The following MRTFB variants were observed in gnomAD, a reference collection of about 807,000 sequenced individuals.
MRTFB encodes myocardin related transcription factor B.
In MRTFB, 29 loss-of-function variants were observed where a neutral mutation model predicts 104.2. The observed-to-expected ratio is 0.28, with a 90% CI of 0.21 to 0.38. The LOEUF (loss-of-function observed/expected upper bound fraction) is 0.38, where lower values mean the gene tolerates loss of function less well. Ranked by LOEUF, MRTFB falls within the 10% of genes least tolerant of loss-of-function variation. The pLI is 1.00. For missense variants in MRTFB, 1,270 were observed against 1,341.6 expected, an observed-to-expected ratio of 0.95 and a Z score of 0.83; for synonymous variants, 535 against 519.5, an observed-to-expected ratio of 1.03 and a Z score of -0.41.
chr16:14,087,258 G>A (rs1377112908), intron 2 of MRTFB, among the ~76,000 whole-genome samples: 1 of 152,124 alleles, frequency 6.6e-6, no homozygotes, highest in Non-Finnish European at 1.5e-5. Context: ...GTAGCTTTGG[G>A]CCATAAGTTC....
At chr16:14,004,861 C>T in the MRTFB span, among the ~76,000 whole-genome samples, 1 of 152,274 alleles carries the variant, frequency 6.6e-6, no homozygotes, top group Non-Finnish European at 1.5e-5. Context: ...GCATTTCCAT[C>T]TACCCTGGTC....
chr16:14,134,980 T>G (rs1324778247), intron 2 of MRTFB, among the ~76,000 whole-genome samples: 2 of 152,244 alleles, frequency 1.3e-5, no homozygotes, highest in South Asian at 2.1e-4. Context: ...GAGTAAATAT[T>G]CTTCCCATCT....
At chr16:14,256,396 C>A (rs1222079969) in intron 15 of MRTFB, among the ~76,000 whole-genome samples, 1 of 152,176 alleles carries the variant, frequency 6.6e-6, no homozygotes, top group Non-Finnish European at 1.5e-5. Context: ...CTTTGACATT[C>A]CTCTCTGGGT....
chr16:14,081,478 A>G (rs1355386695), intron 2 of MRTFB, among the ~76,000 whole-genome samples: 3 of 152,020 alleles, frequency 2.0e-5, no homozygotes, highest in Non-Finnish European at 4.4e-5. Context: ...TTTTTAGTAG[A>G]GACGGGGTTT....
At chr16:14,038,193 C>T in the MRTFB span, among the ~76,000 whole-genome samples, 1 of 152,144 alleles carries the variant, frequency 6.6e-6, no homozygotes. Flanking sequence ...TGTGTCCTCA[C>T]ATGGTCTTCC....
intron 3 of MRTFB, among the ~76,000 whole-genome samples, chr16:14,175,998 A>T (rs1228699693): frequency 6.6e-6 from 1 of 152,250 alleles, no homozygotes; most frequent in Non-Finnish European, 1.5e-5. Context: ...TGATGAAATT[A>T]TCCTATATCT....
intron 2 of MRTFB, among the ~76,000 whole-genome samples, chr16:14,099,365 G>A (rs918085581): frequency 4.1e-5 from 6 of 146,906 alleles, no homozygotes; most frequent in Non-Finnish European, 5.9e-5. Flanking sequence ...ATAAAATTAC[G>A]TGGGTTTTTT....
intron 15 of MRTFB, among the ~76,000 whole-genome samples, chr16:14,254,571 C>G: frequency 6.6e-6 from 1 of 152,204 alleles, no homozygotes. Flanking sequence ...CTGGCTGACC[C>G]CTAAGCCATA....
At chr16:14,018,882 C>G in the MRTFB span, 1 of 152,118 alleles carries the variant, frequency 6.6e-6, no homozygotes. Context: ...ATTGCAAATG[C>G]CTTCATTTAC....
intron 7 of MRTFB, among the ~76,000 whole-genome samples, chr16:14,218,213 C>T (rs755911533): frequency 6.6e-6 from 1 of 152,134 alleles, no homozygotes; most frequent in African/African-American, 2.4e-5. Context: ...GCACCCGCCA[C>T]ATGCCCGGCT....
At chr16:14,109,040 A>G (rs1453140079) in intron 2 of MRTFB, among the ~76,000 whole-genome samples, 3 of 152,176 alleles carry the variant, frequency 2.0e-5, no homozygotes, top group African/African-American at 7.2e-5. Flanking sequence ...TTTAAGTAGC[A>G]AAATTATTAG....
chr16:14,044,474 G>A, the MRTFB span, among the ~76,000 whole-genome samples: 1 of 152,208 alleles, frequency 6.6e-6, no homozygotes, highest in African/African-American at 2.4e-5. Context: ...AGGAAATTGA[G>A]GCTCAGAGAA....
the MRTFB span, among the ~76,000 whole-genome samples, chr16:14,061,950 TC>T: frequency 1.3e-5 from 2 of 152,158 alleles, no homozygotes; most frequent in African/African-American, 2.4e-5. Flanking sequence ...TATTTGGGCT[TC>T]AAAGAACAAA....
chr16:14,081,333 T>C (rs191099320), intron 2 of MRTFB, among the ~76,000 whole-genome samples: 2 of 150,662 alleles, frequency 1.3e-5, no homozygotes, highest in African/African-American at 4.9e-5. Flanking sequence ...ACTTTTGTTA[T>C]GCAGGCTGGA....
At chr16:14,220,388 G>C (rs1293291466) in intron 8 of MRTFB, among the ~76,000 whole-genome samples, 6 of 152,176 alleles carry the variant, frequency 3.9e-5, no homozygotes, top group African/African-American at 2.4e-5. Context: ...TTAACTTTTA[G>C]TAATACAGAA....
chr16:14,066,143 A>G, the MRTFB span, among the ~76,000 whole-genome samples: 1 of 152,218 alleles, frequency 6.6e-6, no homozygotes, highest in Non-Finnish European at 1.5e-5. Context: ...AATGTGCATA[A>G]AACAAACCCC....
intron 3 of MRTFB, among the ~76,000 whole-genome samples, chr16:14,207,169 A>G (rs1275801704): frequency 6.6e-6 from 1 of 152,212 alleles, no homozygotes; most frequent in Non-Finnish European, 1.5e-5. Flanking sequence ...TGCTTTGAAT[A>G]ATACTTGTAG....
At chr16:14,126,429 A>G (rs1003661929) in intron 2 of MRTFB, among the ~76,000 whole-genome samples, 2 of 152,210 alleles carry the variant, frequency 1.3e-5, no homozygotes, top group African/African-American at 2.4e-5. Context: ...GTGTCAGAAC[A>G]GTTGGTAGAA....
rs541765451 is a variant in MRTFB at position 14,099,003 on chromosome 16, G to A, written c.-64+19649G>A. The stretch of plus-strand genomic sequence containing the variant: ...GCTTTATAATGAGTCTTGAAATCTA[G>A]TAGTGTTAGTCCTCCAACTTTTTAA... On this transcript the variant is annotated intron_variant, in intron 2 of 16. Coordinates refer to ENST00000571589, the MANE Select transcript of MRTFB (RefSeq NM_001308142.2). 1.7e-4 allele frequency among the ~76,000 whole-genome samples: 26 copies of A among 152,266 alleles called. No individual in the cohort carries two copies. The South Asian group carries it at 4.8e-3, about 28-fold the overall frequency.
Sources: allele counts gnomAD v4.1 joint callset (sites outside exome capture counted in the v4.1 genomes callset), GRCh38; gene constraint gnomAD v4.1.1; transcripts MANE v1.5; gene names NCBI Gene and HGNC (gene_info 2026-07-23, HGNC 2026-07-21).